MYH14: variants seen among roughly 807,000 people sequenced by gnomAD.
MYH14 encodes myosin-14.
Under a neutral mutation model 255.5 loss-of-function variants are expected in MYH14, and 123 were observed. The ratio of observed to expected loss-of-function variants is 0.48; its 90% CI spans 0.42 to 0.56. MYH14 has a LOEUF of 0.56. Among genes scored for constraint, MYH14 ranks in the 20% least tolerant of loss-of-function variants. The pLI is 0.00. For synonymous variants in MYH14, 1,095 were observed against 1,161.2 expected (o/e 0.94, Z 1.16); for missense variants, 2,423 against 2,802.3 (o/e 0.86, Z 3.06).
Position 50,280,278 on chromosome 19 carries a change from G to A in MYH14, c.4185G>A (p.Arg1395=). 6.4e-7 allele frequency: 1 copy of A among 1,551,570 alleles called. No homozygotes were observed. The highest frequency in any genetic ancestry group is 8.7e-7 in the Non-Finnish European group (1 of 1,146,956). The change falls in exon 32 of 43, where the codon CGG becomes CGA. Residue 1395 remains arginine (R), a synonymous_variant. Coordinates refer to ENST00000642316, the MANE Select transcript of MYH14 (RefSeq NM_001145809.2). This position sits in a 1 kb window ranked among gnomAD's most constrained non-coding sequence, Gnocchi z 4.8. Reference sequence around the variant, plus strand: ...GGGCGAAATTGGCCTTGGGGTCCCGGGTGCGAGCCATGGAGGCTGAGGCAG... The same window carrying A: ...GGGCGAAATTGGCCTTGGGGTCCCGAGTGCGAGCCATGGAGGCTGAGGCAG... ...ETRAKLALGS[R]VRAMEAEAAG... is the part of the protein sequence containing the mutation.
At chr19:50,289,378 G>C (rs992667737) in intron 34 of MYH14, 58 bp from the exon 35 acceptor site, 5 of 1,407,048 alleles carry the variant, frequency 3.6e-6, no homozygotes, top group East Asian at 2.5e-5. Flanking sequence ...CTCTAGCTAG[G>C]CTCCTAACCT....
intron 9 of MYH14, chr19:50,231,021 G>A (rs1041833165): frequency 3.9e-6 from 1 of 254,654 alleles, no homozygotes; most frequent in Non-Finnish European, 7.8e-6. Flanking sequence ...TTCTCGGCTC[G>A]TGCTGCCTCG....
chr19:50,288,776 G>A (rs2035972902), intron 34 of MYH14, among the ~76,000 whole-genome samples: 1 of 152,184 alleles, frequency 6.6e-6, no homozygotes, highest in Admixed American at 6.5e-5. Context: ...TAGGAGAGGG[G>A]CCCCAGTGCC....
Position 50,276,896 on chromosome 19 carries a change from C to T in MYH14, c.3820C>T (p.Arg1274Trp), listed in dbSNP as rs1423688753. 9 of 804,072 alleles carry T rather than the reference C, an allele frequency of 1.1e-5. No homozygotes were observed. Among genetic ancestry groups the T allele is most frequent in the Middle Eastern group, 5.4e-4 (1 of 1,860 alleles). 49.8% of individuals were successfully genotyped at this position (804,072 alleles called of 1,614,324 possible). A position where few individuals can be genotyped will look rare whatever the true frequency, so the allele number is the denominator to read the frequency against. Residue 1274 changes from arginine to tryptophan, a missense_variant, in exon 29 of 43, where the codon CGG (arginine) becomes TGG (tryptophan). Transcript: ENST00000642316. The surrounding 1 kb of genome is among the most constrained non-coding windows in gnomAD (Gnocchi z 4.3). ...GELAEQLEQA[R>W]RGKGAWEKTR... The stretch of plus-strand genomic sequence containing the variant: ...GCTGGCGGAGCAGCTGGAGCAGGCC[C>T]GGAGGGTGGGTTGGGGCAGGGGGAC...
chr19:50,207,271 C>CAGAGAG (rs764396652), intron 1 of MYH14, among the ~76,000 whole-genome samples: 10,919 of 76,712 alleles, frequency 0.14, 1,951 homozygotes, highest in Non-Finnish European at 0.18. Context: ...GAGAGAGAGA[C>CAGAGAG]AGAGAGAGAG....
At chr19:50,253,725 C>A in intron 16 of MYH14, among the ~76,000 whole-genome samples, 1 of 152,142 alleles carries the variant, frequency 6.6e-6, no homozygotes, top group East Asian at 1.9e-4. Flanking sequence ...AGGACTCTGA[C>A]CTTTTCCAAG....
At chr19:50,289,042 G>A (rs1209179028) in intron 34 of MYH14, among the ~76,000 whole-genome samples, 1 of 145,372 alleles carries the variant, frequency 6.9e-6, no homozygotes, top group East Asian at 1.9e-4. Context: ...GATGACCCTG[G>A]AGCTACGTGC....
chr19:50,297,280 G>C lies in MYH14; in HGVS notation c.5469+3593G>C, dbSNP rs568474246. Among the ~76,000 whole-genome samples, 3 of 151,782 alleles carry C rather than the reference G, an allele frequency of 2.0e-5. No homozygotes were observed. In the South Asian group the frequency reaches 6.2e-4, roughly 32 times the overall value. ...ATTACAGACGTGAGCCACCGCGCCC[G>C]GCCAGGAATGTATTCTCTCGTGGTC... On this transcript the variant is annotated intron_variant, in intron 39 of 42. Coordinates refer to ENST00000642316, the MANE Select transcript of MYH14 (RefSeq NM_001145809.2).
At chr19:50,235,244 G>C (rs1948063927) in intron 10 of MYH14, among the ~76,000 whole-genome samples, 1 of 151,814 alleles carries the variant, frequency 6.6e-6, no homozygotes, top group South Asian at 2.1e-4. Flanking sequence ...TGTAGTCCCA[G>C]CTACTCAGGA....
intron 39 of MYH14, among the ~76,000 whole-genome samples, chr19:50,298,685 A>T (rs2036368473): frequency 6.6e-6 from 1 of 151,516 alleles, no homozygotes; most frequent in Non-Finnish European, 1.5e-5. Flanking sequence ...CAGGAGGCAG[A>T]GGTTACAGTG....
chr19:50,244,404 A>C (rs1003647120), intron 11 of MYH14, 67 bp downstream of exon 11: 6 of 1,241,924 alleles, frequency 4.8e-6, no homozygotes, highest in East Asian at 2.4e-5. Context: ...GCCCTCCTGC[A>C]CCCCTGTCCC....
In MYH14 at chr19:50,271,440, G is replaced by A; in HGVS notation, c.3065G>A (p.Gly1022Asp). 1 of 1,606,710 alleles carries A rather than the reference G, an allele frequency of 6.2e-7. No homozygotes were observed. Among genetic ancestry groups the A allele is most frequent in the Non-Finnish European group, 8.5e-7 (1 of 1,176,878 alleles). ...ELEAHLEAEE[G>D]ARQKLQLEKV... ...GAGGCCCACCTTGAGGCTGAGGAGG[G>A]TGCGCGGCAGAAGCTGCAGCTGGAG... Residue 1022 changes from glycine to aspartate, a missense_variant, in exon 25 of 43, where the codon GGT becomes GAT. Transcript: ENST00000642316.
rs912078401 is a variant in MYH14, at chr19:50,230,065, C to A, written c.875-460C>A. On this transcript the variant is annotated intron_variant, in intron 8 of 42. Transcript: ENST00000642316. This position sits in a 1 kb window ranked among gnomAD's most constrained non-coding sequence, Gnocchi z 4.7. ...AAGCAGCTGAGATTACAGGCACCCG[C>A]GATCACACCTATAATTTTTGTATTT... Among the ~76,000 whole-genome samples the A allele has an allele frequency of 6.6e-6, 1 of 152,102 alleles. No homozygotes were observed. Among genetic ancestry groups the A allele is most frequent in the Non-Finnish European group, 1.5e-5 (1 of 68,024 alleles).
intron 30 of MYH14, among the ~76,000 whole-genome samples, chr19:50,279,043 G>T (rs2035617465): frequency 1.3e-5 from 2 of 152,044 alleles, no homozygotes; most frequent in African/African-American, 4.8e-5. Context: ...ATGGATTTTG[G>T]TATATTCACA....
chr19:50,235,429 C>A (rs552685336), intron 10 of MYH14, among the ~76,000 whole-genome samples: 62 of 151,196 alleles, frequency 4.1e-4, no homozygotes, highest in African/African-American at 1.4e-3. Context: ...CCACTAGAGA[C>A]CCCCCTGGAC....
At chr19:50,301,541 G>C in intron 39 of MYH14, 120 bp from the exon 40 acceptor site, 1 of 678,166 alleles carries the variant, frequency 1.5e-6, no homozygotes, top group South Asian at 1.8e-5. Context: ...GTATGTTTCA[G>C]GCTCTGTGCT....
intron 3 of MYH14, among the ~76,000 whole-genome samples, chr19:50,218,058 A>G (rs2032584740): frequency 6.6e-6 from 1 of 151,854 alleles, no homozygotes; most frequent in Admixed American, 6.6e-5. Flanking sequence ...GTGCAGTGGC[A>G]TGATCTTGGC....
intron 3 of MYH14, among the ~76,000 whole-genome samples, chr19:50,220,772 C>G (rs570007236): frequency 6.6e-6 from 1 of 152,006 alleles, no homozygotes; most frequent in Non-Finnish European, 1.5e-5. Flanking sequence ...GGGCTGGTCT[C>G]GAACTCCTGA....
Position 50,293,437 on chromosome 19 carries a change from C to T in MYH14, c.5345+116C>T, listed in dbSNP as rs2036155791. On this transcript the variant is annotated intron_variant, in intron 38 of 42. Transcript: ENST00000642316. The surrounding 1 kb of genome is among the most constrained non-coding windows in gnomAD (Gnocchi z 4.1). ...AAACTGGGAGGTGGGCGGGGTTAAC[C>T]TCGGGGCCCCTGGGGTGTGAGGCTG... is the stretch of plus-strand genomic sequence containing the variant. 2 of 1,533,494 alleles carry T rather than the reference C, an allele frequency of 1.3e-6. No individual in the cohort carries two copies. The allele number at this position is 1,533,494 out of a possible 1,614,324, so 95.0% of individuals were successfully genotyped here. A position where few individuals can be genotyped will look rare whatever the true frequency, so the allele number is the denominator to read the frequency against.
Sources: allele counts gnomAD v4.1 joint callset (sites outside exome capture counted in the v4.1 genomes callset), GRCh38; gene constraint gnomAD v4.1.1; non-coding constraint Gnocchi (gnomAD v3.1); transcripts MANE v1.5; gene names NCBI Gene and HGNC (gene_info 2026-07-23, HGNC 2026-07-21).